Variants in CSTPP1 observed in about 807,000 individuals in gnomAD.
CSTPP1 encodes the protein centriolar satellite-associated tubulin polyglutamylase complex regulator 1.
the CSTPP1 span, among the ~76,000 whole-genome samples, chr11:47,141,762 G>A: frequency 6.6e-6 from 1 of 151,498 alleles, no homozygotes; most frequent in Admixed American, 6.6e-5. Flanking sequence ...GGTGAAACCT[G>A]TCTCTACTAA....
chr11:47,002,282 A>G, the CSTPP1 span, among the ~76,000 whole-genome samples: 2 of 152,288 alleles, frequency 1.3e-5, no homozygotes, highest in East Asian at 3.9e-4. Flanking sequence ...AACCAAATCT[A>G]TAGAGGATTC....
the CSTPP1 span, among the ~76,000 whole-genome samples, chr11:47,101,821 C>G: frequency 6.6e-6 from 1 of 152,064 alleles, no homozygotes; most frequent in East Asian, 1.9e-4. Flanking sequence ...CTTAGAGGTC[C>G]GTGATCCTAG....
chr11:47,133,727 C>T, the CSTPP1 span, among the ~76,000 whole-genome samples: 1 of 152,190 alleles, frequency 6.6e-6, no homozygotes. Flanking sequence ...GCTCTTAAGC[C>T]TCACACATTA....
the CSTPP1 span, chr11:47,157,233 T>C: frequency 1.9e-6 from 3 of 1,547,216 alleles, no homozygotes; most frequent in Non-Finnish European, 2.6e-6. Flanking sequence ...GGAACGGGCA[T>C]GCAGCCCCCA....
the CSTPP1 span, among the ~76,000 whole-genome samples, chr11:47,150,949 C>T: frequency 7.0e-6 from 1 of 141,906 alleles, no homozygotes; most frequent in Non-Finnish European, 1.5e-5. Context: ...TGCAGTGGCA[C>T]AAGCTTGGCT....
At chr11:46,958,777 G>A in the CSTPP1 span, among the ~76,000 whole-genome samples, 3 of 152,198 alleles carry the variant, frequency 2.0e-5, no homozygotes, top group Admixed American at 2.0e-4. Context: ...GTGAGGAGGA[G>A]CAGTGTGCTG....
chr11:47,148,997 C>G, the CSTPP1 span, among the ~76,000 whole-genome samples: 1 of 152,208 alleles, frequency 6.6e-6, no homozygotes, highest in Non-Finnish European at 1.5e-5. Flanking sequence ...AGGCTGGAAG[C>G]TGTTGCTTCC....
the CSTPP1 span, among the ~76,000 whole-genome samples, chr11:47,013,818 T>C: frequency 1.3e-5 from 2 of 152,232 alleles, no homozygotes; most frequent in Admixed American, 6.5e-5. Context: ...CATCACACTA[T>C]CTTCCACAAT....
At chr11:47,093,506 TG>T in the CSTPP1 span, among the ~76,000 whole-genome samples, 1 of 152,240 alleles carries the variant, frequency 6.6e-6, no homozygotes, top group South Asian at 2.1e-4. Context: ...TTCGGCCACA[TG>T]GAGCTTACAT....
the CSTPP1 span, among the ~76,000 whole-genome samples, chr11:46,978,393 A>G: frequency 6.6e-6 from 1 of 152,254 alleles, no homozygotes; most frequent in Non-Finnish European, 1.5e-5. Flanking sequence ...AGGACTGAAC[A>G]TTGCAACATT....
At chr11:46,943,473 T>G in the CSTPP1 span, among the ~76,000 whole-genome samples, 2 of 152,282 alleles carry the variant, frequency 1.3e-5, no homozygotes, top group South Asian at 4.1e-4. Flanking sequence ...TGGAGTAAGG[T>G]CAAGTGATTC....
chr11:47,088,916 G>A, the CSTPP1 span, among the ~76,000 whole-genome samples: 6 of 152,216 alleles, frequency 3.9e-5, no homozygotes, highest in East Asian at 5.8e-4. Context: ...TGAAAAATTC[G>A]AATGACAACC....
At chr11:46,946,429 C>A in the CSTPP1 span, among the ~76,000 whole-genome samples, 3 of 152,276 alleles carry the variant, frequency 2.0e-5, no homozygotes, top group East Asian at 5.8e-4. Flanking sequence ...GAGGCCAAGG[C>A]GGGTGGATCA....
the CSTPP1 span, among the ~76,000 whole-genome samples, chr11:47,060,751 C>T: frequency 6.6e-6 from 1 of 152,174 alleles, no homozygotes; most frequent in South Asian, 2.1e-4. Flanking sequence ...CACTAAAGAA[C>T]CTACTCATGT....
the CSTPP1 span, among the ~76,000 whole-genome samples, chr11:47,048,552 C>T: frequency 1.3e-5 from 2 of 151,610 alleles, no homozygotes; most frequent in African/African-American, 4.9e-5. Context: ...CCCTTGAAGA[C>T]ATTATTCTTA....
chr11:46,986,129 A>AT, the CSTPP1 span, among the ~76,000 whole-genome samples: 1 of 152,352 alleles, frequency 6.6e-6, no homozygotes, highest in South Asian at 2.1e-4. Flanking sequence ...GTTAAATTAT[A>AT]TTGCTTTTCA....
the CSTPP1 span, among the ~76,000 whole-genome samples, chr11:46,971,158 C>A: frequency 6.6e-6 from 1 of 152,076 alleles, no homozygotes; most frequent in Non-Finnish European, 1.5e-5. Context: ...CATAAGAGGG[C>A]GCTTATCCTG....
At chr11:46,946,337 G>A in the CSTPP1 span, among the ~76,000 whole-genome samples, 2 of 152,182 alleles carry the variant, frequency 1.3e-5, no homozygotes, top group East Asian at 1.9e-4. Flanking sequence ...CTAGGAGGCC[G>A]AGTAGATAAA....
the CSTPP1 span, among the ~76,000 whole-genome samples, chr11:47,036,491 A>G: frequency 8.4e-6 from 1 of 119,210 alleles, no homozygotes; most frequent in African/African-American, 2.6e-5. Context: ...TCACAGAGGA[A>G]TGGGTTAGCT....
Sources: gnomAD v4.1 joint callset for allele counts (sites outside exome capture counted in the v4.1 genomes callset) on GRCh38, gnomAD v4.1.1 for gene constraint, MANE v1.5 for transcripts, NCBI Gene and HGNC (gene_info 2026-07-23, HGNC 2026-07-21) for gene names.